ENOPH1: variants seen among roughly 807,000 people sequenced by gnomAD.
ENOPH1 encodes the protein enolase-phosphatase E1.
ENOPH1 carries 14 observed loss-of-function variants against 31.1 expected under a neutral mutation model. The observed-to-expected ratio is 0.45, with a 90% CI of 0.30 to 0.70. ENOPH1 has a LOEUF of 0.70. Ranked by LOEUF, ENOPH1 falls within the 30% of genes least tolerant of loss-of-function variation. The pLI is 0.09. For synonymous variants in ENOPH1, 127 were observed against 123.2 expected (o/e 1.03, Z -0.21); for missense variants, 243 against 321.5 (o/e 0.76, Z 1.87).
intron 5 of ENOPH1, 65 bp downstream of exon 5, chr4:82,457,103 A>G: frequency 6.9e-7 from 1 of 1,444,882 alleles, no homozygotes; most frequent in Non-Finnish European, 9.3e-7. Flanking sequence ...CTACAAATAC[A>G]TTGCCTCTTT....
At position 82,460,336 on chromosome 4, in the gene ENOPH1, T is replaced by C. The variant is rs1578106311; in HGVS notation, c.*216T>C. On this transcript the variant is annotated 3_prime_UTR_variant, in exon 6 of 6. Coordinates refer to ENST00000273920, the MANE Select transcript of ENOPH1 (RefSeq NM_021204.5). ...AAAACTTATTTAAAGATGCTTTATATGTAGAAATTGTTTCAAATCATACTC... is the reference window on the plus strand; with the variant it reads ...AAAACTTATTTAAAGATGCTTTATACGTAGAAATTGTTTCAAATCATACTC... The C allele has an allele frequency of 2.3e-6, 1 of 442,998 alleles. No homozygotes were observed. Among genetic ancestry groups the C allele is most frequent in the African/African-American group, 2.0e-5 (1 of 49,928 alleles). The allele number at this position is 442,998 out of a possible 1,614,324, so 27.4% of individuals were successfully genotyped here.
chr4:82,438,154 C>T (rs914593088), intron 1 of ENOPH1, among the ~76,000 whole-genome samples: 4 of 151,862 alleles, frequency 2.6e-5, no homozygotes, highest in African/African-American at 4.8e-5. Flanking sequence ...GTTTTTCTAC[C>T]CCCCCAAATA....
rs183879802 is a variant in ENOPH1, at chr4:82,446,577, C to T, written c.85-1343C>T. 2.7e-5 allele frequency among the ~76,000 whole-genome samples: 4 copies of T among 148,320 alleles called. No individual in the cohort carries two copies. The East Asian group carries it at 6.0e-4, about 22-fold the overall frequency. The stretch of plus-strand genomic sequence containing the variant: ...TTGTTTGAACACAGCTAGTAAAAAG[C>T]GGAGGTAGAAGCCTGACTGGGAAAG... On this transcript the variant is annotated intron_variant, in intron 1 of 5. Coordinates refer to ENST00000273920, the MANE Select transcript of ENOPH1 (RefSeq NM_021204.5).
chr4:82,445,153 A>G (rs1384475869), intron 1 of ENOPH1, among the ~76,000 whole-genome samples: 1 of 152,188 alleles, frequency 6.6e-6, no homozygotes, highest in Non-Finnish European at 1.5e-5. Flanking sequence ...TCTTGAGTCC[A>G]GGAGTTCAAG....
Position 82,456,899 on chromosome 4 carries a change from CCTTCT to C in ENOPH1, c.523-12_523-8del. 9 of 1,612,086 alleles carry C rather than the reference CCTTCT, an allele frequency of 5.6e-6. No homozygotes were observed. Among genetic ancestry groups the C allele is most frequent in the Non-Finnish European group, 7.6e-6 (9 of 1,179,000 alleles). ...GTGTATTTGTATTGCCAGTCTTTCCCCTTCTCTTTGTTCAGCTTGTTGATGGTCAC... is the reference window on the plus strand; with the variant it reads ...GTGTATTTGTATTGCCAGTCTTTCCCCTTTGTTCAGCTTGTTGATGGTCAC... On this transcript the variant is annotated splice_polypyrimidine_tract_variant and intron_variant, in intron 4 of 5. Transcript: ENST00000273920.
At chr4:82,439,922 A>G (rs1306489202) in intron 1 of ENOPH1, among the ~76,000 whole-genome samples, 1 of 152,008 alleles carries the variant, frequency 6.6e-6, no homozygotes, top group Non-Finnish European at 1.5e-5. Flanking sequence ...TGATGTGGAG[A>G]TGTAGGGGGA....
intron 1 of ENOPH1, among the ~76,000 whole-genome samples, chr4:82,439,637 C>G (rs1721992284): frequency 6.6e-6 from 1 of 152,080 alleles, no homozygotes; most frequent in African/African-American, 2.4e-5. Flanking sequence ...TTGTACTTAA[C>G]CTTTATGTGC....
rs72909850 is a variant in ENOPH1 at position 82,460,142 on chromosome 4, C to T, written c.*22C>T. 9.9e-3 allele frequency: 15,893 copies of T among 1,613,404 alleles called. 928 individuals carry two copies. The African/African-American group carries it at 0.15, about 15-fold the overall frequency. On this transcript the variant is annotated 3_prime_UTR_variant, in exon 6 of 6. Coordinates refer to ENST00000273920, the MANE Select transcript of ENOPH1 (RefSeq NM_021204.5). ...CTAGAGAAGGGTTGTTAAGGCAGAC[C>T]GCCCTGTTCCCCAGAGTTGTCCCTG...
intron 4 of ENOPH1, among the ~76,000 whole-genome samples, chr4:82,455,358 T>G (rs2110047206): frequency 6.6e-6 from 1 of 152,280 alleles, no homozygotes; most frequent in East Asian, 1.9e-4. Flanking sequence ...GTGACTACAT[T>G]TAGGGTTTTA....
chr4:82,450,909 T>G (rs1421299978), intron 2 of ENOPH1, 134 bp from the exon 3 acceptor site: 116 of 648,208 alleles, frequency 1.8e-4, no homozygotes, highest in Middle Eastern at 1.7e-3. Flanking sequence ...CTCCAAAGTA[T>G]ATGATGTTTC....
chr4:82,431,002 A>C (rs1293024845), intron 1 of ENOPH1, 89 bp downstream of exon 1: 1 of 1,190,346 alleles, frequency 8.4e-7, no homozygotes, highest in Non-Finnish European at 1.2e-6. Context: ...ATTGGAGACG[A>C]GGGTTAGGAG....
At chr4:82,451,592 G>A (rs775101480) in intron 3 of ENOPH1, among the ~76,000 whole-genome samples, 2 of 152,140 alleles carry the variant, frequency 1.3e-5, no homozygotes, top group Non-Finnish European at 2.9e-5. Context: ...TGCCTGGACT[G>A]TTAATTACCT....
Position 82,430,722 on chromosome 4 carries a change from C to T in ENOPH1, c.-108C>T. 3 of 1,018,640 alleles carry T rather than the reference C, an allele frequency of 2.9e-6. No individual in the cohort carries two copies. The highest frequency in any genetic ancestry group is 3.0e-6 in the Non-Finnish European group (2 of 675,216). 63.1% of individuals were successfully genotyped at this position (1,018,640 alleles called of 1,614,324 possible). On this transcript the variant is annotated 5_prime_UTR_variant, in exon 1 of 6. Coordinates refer to ENST00000273920, the MANE Select transcript of ENOPH1 (RefSeq NM_021204.5). ...CACTTGGTCGCTGGCTCCGAGATCG[C>T]GCGGGGCCGCCGGAAGCCCAAGACG... is the stretch of plus-strand genomic sequence containing the variant.
At chr4:82,450,390 A>G (rs1005149094) in intron 2 of ENOPH1, among the ~76,000 whole-genome samples, 9 of 152,234 alleles carry the variant, frequency 5.9e-5, no homozygotes, top group African/African-American at 1.9e-4. Context: ...GAACCTTTCA[A>G]TGATGTTAAA....
chr4:82,436,864 T>C (rs1284021058), intron 1 of ENOPH1, among the ~76,000 whole-genome samples: 1 of 152,142 alleles, frequency 6.6e-6, no homozygotes, highest in Non-Finnish European at 1.5e-5. Context: ...GGGACTGTCA[T>C]GTTCATCCTG....
chr4:82,443,828 G>A (rs1039248559), intron 1 of ENOPH1, among the ~76,000 whole-genome samples: 2 of 151,762 alleles, frequency 1.3e-5, no homozygotes, highest in African/African-American at 4.8e-5. Flanking sequence ...CATTTGCATT[G>A]TATAGTTCCC....
At chr4:82,457,103 A>T in intron 5 of ENOPH1, 65 bp downstream of exon 5, 1 of 1,444,882 alleles carries the variant, frequency 6.9e-7, no homozygotes, top group Non-Finnish European at 9.3e-7. Flanking sequence ...CTACAAATAC[A>T]TTGCCTCTTT....
chr4:82,439,381 CT>C (rs905854117), intron 1 of ENOPH1, among the ~76,000 whole-genome samples: 1 of 152,192 alleles, frequency 6.6e-6, no homozygotes, highest in Non-Finnish European at 1.5e-5. Flanking sequence ...CTTGGTGGGA[CT>C]TTGGAGCTCA....
chr4:82,460,646 A>G lies in ENOPH1; in HGVS notation c.*526A>G, dbSNP rs1722622411. On this transcript the variant is annotated 3_prime_UTR_variant, in exon 6 of 6. Transcript: ENST00000273920. Reference sequence around the variant, plus strand: ...ATTTCCTTCTGCTTCAAAAGAACAAAATTGGGAAAGAAAACTCACTTGAGT... The same window carrying G: ...ATTTCCTTCTGCTTCAAAAGAACAAGATTGGGAAAGAAAACTCACTTGAGT... The G allele has an allele frequency of 6.6e-6, 1 of 152,256 alleles. No homozygotes were observed. The highest frequency in any genetic ancestry group is 1.5e-5 in the Non-Finnish European group (1 of 68,080). The allele number at this position is 152,256 out of a possible 1,614,324, so 9.4% of individuals were successfully genotyped here. A position where few individuals can be genotyped will look rare whatever the true frequency, so the allele number is the denominator to read the frequency against.
Sources: gnomAD v4.1 joint callset for allele counts (sites outside exome capture counted in the v4.1 genomes callset) on GRCh38, gnomAD v4.1.1 for gene constraint, MANE v1.5 for transcripts, NCBI Gene and HGNC (gene_info 2026-07-23, HGNC 2026-07-21) for gene names.